The following TRIP12 variants were observed in gnomAD, a reference collection of about 807,000 sequenced individuals.
TRIP12 encodes thyroid hormone receptor interactor 12.
In TRIP12, 25 loss-of-function variants were observed where a neutral mutation model predicts 244.2. That is an observed-to-expected ratio of 0.10 (90% CI 0.07 to 0.14). TRIP12 has a LOEUF of 0.14. Ranked by LOEUF, TRIP12 falls within the 10% of genes least tolerant of loss-of-function variation. TRIP12 has a pLI of 1.00. For missense variants in TRIP12, 1,677 were observed against 2,486.4 expected (o/e 0.67, Z 6.92); for synonymous variants, 905 against 873.1 (o/e 1.04, Z -0.64).
chr2:229,904,514 T>C (rs2072101887), intron 1 of TRIP12, among the ~76,000 whole-genome samples: 1 of 150,912 alleles, frequency 6.6e-6, no homozygotes, highest in South Asian at 2.1e-4. Flanking sequence ...GAAGAACTAA[T>C]AATGCAACAG....
chr2:229,807,266 C>T (rs2046116138), intron 17 of TRIP12: 1 of 186,440 alleles, frequency 5.4e-6, no homozygotes, highest in Non-Finnish European at 1.1e-5. Flanking sequence ...ACGTGTATCA[C>T]AATTTACTTA....
chr2:229,850,910 C>T (rs1381336792), intron 4 of TRIP12, among the ~76,000 whole-genome samples: 1 of 152,342 alleles, frequency 6.6e-6, no homozygotes, highest in African/African-American at 2.4e-5. Flanking sequence ...GCCAGACCAC[C>T]GGCGCTGCAC....
At position 229,905,257 on chromosome 2, in the gene TRIP12, A is replaced by G. The variant is rs568041381; in HGVS notation, c.-50+16623T>C. The stretch of plus-strand genomic sequence containing the variant: ...CCATTGCACTCCAGCCTGGGCAACA[A>G]GAGCAAAACTCCGTCTCAAAAAAAA... On this transcript the variant is annotated intron_variant, in intron 1 of 41. Transcript: ENST00000675903. 1.3e-4 allele frequency among the ~76,000 whole-genome samples: 19 copies of G among 151,668 alleles called. No homozygotes were observed. The East Asian group carries it at 3.1e-3, about 25-fold the overall frequency.
chr2:229,811,599 T>C (rs180787080), intron 13 of TRIP12, among the ~76,000 whole-genome samples: 12 of 152,250 alleles, frequency 7.9e-5, no homozygotes, highest in Non-Finnish European at 1.6e-4. Context: ...AAAAGGAAAG[T>C]TGCGAGAACC....
chr2:229,867,174 T>TTTTG (rs1559982142), intron 2 of TRIP12, among the ~76,000 whole-genome samples: 1 of 147,574 alleles, frequency 6.8e-6, no homozygotes, highest in African/African-American at 2.5e-5. Context: ...TTTGTTTGTT[T>TTTTG]TTTTTTTTTG....
intron 33 of TRIP12, among the ~76,000 whole-genome samples, chr2:229,786,076 C>T (rs1451838963): frequency 6.6e-5 from 10 of 152,206 alleles, no homozygotes; most frequent in African/African-American, 2.4e-4. Context: ...AGAGTAATTA[C>T]TAATTTATCT....
At chr2:229,918,005 T>G (rs139871398) in intron 1 of TRIP12, among the ~76,000 whole-genome samples, 2 of 152,090 alleles carry the variant, frequency 1.3e-5, no homozygotes, top group Non-Finnish European at 2.9e-5. Context: ...ACATACCACA[T>G]TGACATGAAA....
Position 229,871,014 on chromosome 2 carries a change from C to T in TRIP12, c.98+8968G>A, listed in dbSNP as rs188558026. 5.4e-4 allele frequency among the ~76,000 whole-genome samples: 82 copies of T among 152,112 alleles called. 1 individual carries two copies. In the East Asian group the frequency reaches 0.014, roughly 25 times the overall value. ...TGTCTACTAAAAATACAAAATTAGGCAGGCATGGTGGTGCACACCTGCAGT... is the reference window on the plus strand; with the variant it reads ...TGTCTACTAAAAATACAAAATTAGGTAGGCATGGTGGTGCACACCTGCAGT... On this transcript the variant is annotated intron_variant, in intron 2 of 41. Transcript: ENST00000675903.
At chr2:229,851,695 T>C (rs568658747) in intron 4 of TRIP12, among the ~76,000 whole-genome samples, 5 of 152,140 alleles carry the variant, frequency 3.3e-5, no homozygotes, top group African/African-American at 1.2e-4. Context: ...AGCAAGACCA[T>C]GAGCCCACCG....
At chr2:229,887,925 A>T (rs1469847578) in intron 1 of TRIP12, among the ~76,000 whole-genome samples, 1 of 152,212 alleles carries the variant, frequency 6.6e-6, no homozygotes, top group Non-Finnish European at 1.5e-5. Context: ...TACAGAAGAA[A>T]AGACAACCCC....
chr2:229,889,549 TTGGCTACCATCATTAGCCAGTGAA>T (rs2066843121), intron 1 of TRIP12, among the ~76,000 whole-genome samples: 1 of 152,186 alleles, frequency 6.6e-6, no homozygotes. Flanking sequence ...TACAATCCTG[TTGGCTACCATCATTAGCCAGTGAA>T]TGGGGATAGG....
intron 4 of TRIP12, among the ~76,000 whole-genome samples, chr2:229,845,198 C>T (rs961316469): frequency 2.0e-5 from 3 of 152,144 alleles, no homozygotes; most frequent in African/African-American, 7.2e-5. Context: ...TCCAGCCAAG[C>T]CTGAAGCTAG....
chr2:229,808,415 T>A (rs370916758), intron 15 of TRIP12, 46 bp from the exon 16 acceptor site: 1 of 1,274,834 alleles, frequency 7.8e-7, no homozygotes, highest in Non-Finnish European at 1.1e-6. Flanking sequence ...AAACTAGTTA[T>A]ACTACCTCAT....
Position 229,789,646 on chromosome 2 carries a change from G to A in TRIP12, c.4660C>T (p.His1554Tyr). 6.2e-7 allele frequency: 1 copy of A among 1,613,984 alleles called. No homozygotes were observed. The highest frequency in any genetic ancestry group is 8.5e-7 in the Non-Finnish European group (1 of 1,179,936). The change falls in exon 31 of 42, where the codon CAT (histidine) becomes TAT (tyrosine). Residue 1554 changes from histidine (H) to tyrosine (Y), a missense_variant. His to Tyr is a moderately conservative substitution (Grantham distance 83, BLOSUM62 2). Coordinates refer to ENST00000675903, the MANE Select transcript of TRIP12 (RefSeq NM_001348323.3). Reference protein sequence around the residue: ...LDVILLLRVLHAISRYWYYLY... With the variant: ...LDVILLLRVLYAISRYWYYLY... ...TAATACCAGTATCGACTGATAGCATGTAAAACTCTTAAAAGAAGGATCACA... is the reference window on the plus strand; with the variant it reads ...TAATACCAGTATCGACTGATAGCATATAAAACTCTTAAAAGAAGGATCACA...
chr2:229,829,765 A>G (rs536408129), intron 7 of TRIP12, among the ~76,000 whole-genome samples: 2 of 152,302 alleles, frequency 1.3e-5, no homozygotes, highest in South Asian at 2.1e-4. Context: ...CCTGGCCAAC[A>G]TGATGAAAGC....
In TRIP12 at chr2:229,863,183, C is replaced by T. The variant is rs998758210; in HGVS notation, c.99-2652G>A. Reference sequence around the variant, plus strand: ...GGCGGAGGTTGCAGTGAGCCGCGATCGTGTCACTGTACTCCAGCCTGGGTG... The same window carrying T: ...GGCGGAGGTTGCAGTGAGCCGCGATTGTGTCACTGTACTCCAGCCTGGGTG... On this transcript the variant is annotated intron_variant, in intron 2 of 41. Transcript: ENST00000675903. Among the ~76,000 whole-genome samples the T allele has an allele frequency of 3.4e-5, 5 of 148,194 alleles. 1 individual carries two copies. The highest frequency in any genetic ancestry group is 7.5e-5 in the African/African-American group (3 of 39,928).
In TRIP12 at chr2:229,805,733, T is replaced by G. The variant is rs1236256927; in HGVS notation, c.2647A>C (p.Thr883Pro). 1 of 1,591,966 alleles carries G rather than the reference T, an allele frequency of 6.3e-7. No homozygotes were observed. The highest frequency in any genetic ancestry group is 8.6e-7 in the Non-Finnish European group (1 of 1,162,766). ...RKPNPLANSN[T>P]SGYSESKKDD... is the part of the protein sequence containing the mutation. The stretch of plus-strand genomic sequence containing the variant: ...TTTTAACTCAGAATGTACTTACTAG[T>G]GTTACTATTGGCTAACGGGTTAGGT... Residue 883 changes from threonine to proline, a missense_variant, in exon 18 of 42, where the codon ACT becomes CCT. This residue lies in a region of TRIP12 where 572 missense variants were observed against 867.8 expected (regional missense o/e 0.66). Transcript: ENST00000675903.
chr2:229,797,753 T>C lies in TRIP12; in HGVS notation c.3561A>G (p.Gly1187=). 1 of 1,614,074 alleles carries C rather than the reference T, an allele frequency of 6.2e-7. No individual in the cohort carries two copies. The highest frequency in any genetic ancestry group is 8.5e-7 in the Non-Finnish European group (1 of 1,179,966). Residue 1187 remains glycine (G), a synonymous_variant, in exon 24 of 42, where the codon GGA becomes GGG. Transcript: ENST00000675903. ...GAAGGACATTCAATGCAGGGTTGCT[T>C]CCATCCATATTCTCAGAACTGAAAT... ...ERYFSSENMD[G]SNPALNVLQR...
intron 1 of TRIP12, among the ~76,000 whole-genome samples, chr2:229,898,621 A>G (rs1439999356): frequency 1.3e-5 from 2 of 152,206 alleles, no homozygotes; most frequent in Non-Finnish European, 2.9e-5. Flanking sequence ...TAATAAAAAA[A>G]TCAACTTTTT....
Sources: gnomAD v4.1 joint callset for allele counts (sites outside exome capture counted in the v4.1 genomes callset) on GRCh38, gnomAD v4.1.1 for gene constraint, gnomAD v4.1.1 regional missense constraint, MANE v1.5 for transcripts, NCBI Gene and HGNC (gene_info 2026-07-23, HGNC 2026-07-21) for gene names.